The following PTPRD variants were observed in gnomAD, a reference collection of about 807,000 sequenced individuals.
PTPRD encodes protein tyrosine phosphatase receptor type D, also known as receptor-type tyrosine-protein phosphatase delta.
In PTPRD, 34 loss-of-function variants were observed where a neutral mutation model predicts 214.5. That is an observed-to-expected ratio of 0.16 (90% CI 0.12 to 0.21). The LOEUF is 0.21. PTPRD is among the 10% of genes least tolerant of loss of function. PTPRD has a pLI of 1.00. For missense variants in PTPRD, 2,545 were observed against 2,398.7 expected (o/e 1.06, Z -1.27); for synonymous variants, 1,128 against 845.7 (o/e 1.33, Z -5.79).
In PTPRD at chr9:8,329,768, C is replaced by T. The variant is rs1837866133; in HGVS notation, c.5534+1814G>A. Among the ~76,000 whole-genome samples, 8 of 152,200 alleles carry T rather than the reference C, an allele frequency of 5.3e-5. No homozygotes were observed. The South Asian group carries it at 1.7e-3, about 32-fold the overall frequency. On this transcript the variant is annotated intron_variant, in intron 44 of 45. Coordinates refer to ENST00000381196, the MANE Select transcript of PTPRD (RefSeq NM_002839.4). ...GTTGGCCTTGCTGAGCTGCAGTGGACTCAGCCCTGTTTGAACTTCCTGCTG... is the reference window on the plus strand; with the variant it reads ...GTTGGCCTTGCTGAGCTGCAGTGGATTCAGCCCTGTTTGAACTTCCTGCTG...
chr9:9,932,754 C>A (rs1295283223), intron 5 of PTPRD, among the ~76,000 whole-genome samples: 1 of 104,234 alleles, frequency 9.6e-6, no homozygotes, highest in African/African-American at 4.0e-5. Context: ...TCGAGAAGAG[C>A]AACTCCAAGA....
chr9:10,236,514 T>C (rs2099629393), intron 3 of PTPRD, among the ~76,000 whole-genome samples: 1 of 151,962 alleles, frequency 6.6e-6, no homozygotes. Context: ...GCAGTTTTCT[T>C]AATTGCATTT....
chr9:9,098,859 C>A (rs2099787376), intron 10 of PTPRD, among the ~76,000 whole-genome samples: 1 of 152,118 alleles, frequency 6.6e-6, no homozygotes, highest in African/African-American at 2.4e-5. Context: ...ATTACATGAA[C>A]ATATTCACAG....
At chr9:10,510,171 T>C (rs2047509402) in intron 2 of PTPRD, among the ~76,000 whole-genome samples, 1 of 152,080 alleles carries the variant, frequency 6.6e-6, no homozygotes, top group Non-Finnish European at 1.5e-5. Context: ...CAAATGTCAA[T>C]TTGCCAAAGT....
intron 14 of PTPRD, among the ~76,000 whole-genome samples, chr9:8,632,110 G>C (rs543625921): frequency 6.8e-6 from 1 of 147,448 alleles, no homozygotes; most frequent in Non-Finnish European, 1.5e-5. Flanking sequence ...TCAGCCTCTT[G>C]AATTGCTTCT....
At chr9:9,303,999 A>G (rs185485557) in intron 9 of PTPRD, among the ~76,000 whole-genome samples, 50 of 152,206 alleles carry the variant, frequency 3.3e-4, no homozygotes, top group African/African-American at 8.7e-4. Context: ...CTACTCTCCA[A>G]CTGGGCTCAA....
chr9:9,483,321 T>A (rs1011912864), intron 8 of PTPRD, among the ~76,000 whole-genome samples: 1 of 152,186 alleles, frequency 6.6e-6, no homozygotes, highest in African/African-American at 2.4e-5. Flanking sequence ...GTTGCCCTTA[T>A]GACATTACAG....
chr9:10,437,659 A>T (rs576456473), intron 2 of PTPRD, among the ~76,000 whole-genome samples: 2 of 151,858 alleles, frequency 1.3e-5, no homozygotes, highest in Admixed American at 1.3e-4. Context: ...GTTATTGAGC[A>T]AACCTACAGT....
intron 11 of PTPRD, among the ~76,000 whole-genome samples, chr9:8,883,465 T>G (rs2098462985): frequency 6.6e-6 from 1 of 152,194 alleles, no homozygotes; most frequent in Non-Finnish European, 1.5e-5. Flanking sequence ...GACCATAAAC[T>G]TGGGTAATTT....
chr9:10,182,019 G>A (rs2099295013), intron 3 of PTPRD, among the ~76,000 whole-genome samples: 1 of 148,262 alleles, frequency 6.7e-6, no homozygotes, highest in African/African-American at 2.5e-5. Context: ...ACTTTGTGAG[G>A]CCAAGGCAGG....
chr9:9,433,467 C>T (rs1186006309), intron 8 of PTPRD, among the ~76,000 whole-genome samples: 1 of 152,158 alleles, frequency 6.6e-6, no homozygotes, highest in Non-Finnish European at 1.5e-5. Context: ...ATGCAATCAA[C>T]AAGGATTCTT....
At chr9:9,019,380 G>C (rs1569430860) in intron 10 of PTPRD, among the ~76,000 whole-genome samples, 1 of 151,500 alleles carries the variant, frequency 6.6e-6, no homozygotes, top group Non-Finnish European at 1.5e-5. Context: ...TTTAAAATTA[G>C]GCTGAGGGCT....
chr9:9,918,060 C>T (rs999151108), intron 5 of PTPRD, among the ~76,000 whole-genome samples: 1 of 151,758 alleles, frequency 6.6e-6, no homozygotes, highest in African/African-American at 2.4e-5. Context: ...CTACCCAGAA[C>T]AATTAGGCAA....
chr9:9,069,708 G>C (rs1465137385), intron 10 of PTPRD, among the ~76,000 whole-genome samples: 1 of 152,182 alleles, frequency 6.6e-6, no homozygotes, highest in East Asian at 1.9e-4. Flanking sequence ...TGTGAATTGA[G>C]TTTATGAAGG....
intron 12 of PTPRD, among the ~76,000 whole-genome samples, chr9:8,644,874 C>T (rs1034815717): frequency 1.3e-5 from 2 of 152,158 alleles, no homozygotes; most frequent in African/African-American, 4.8e-5. Context: ...GTAGTGTGAG[C>T]TGAGTGCAGC....
intron 11 of PTPRD, among the ~76,000 whole-genome samples, chr9:8,987,067 G>A (rs2099348333): frequency 6.6e-6 from 1 of 152,060 alleles, no homozygotes; most frequent in Non-Finnish European, 1.5e-5. Flanking sequence ...TCTCTTAGAA[G>A]GTTAAGACAT....
At chr9:10,340,264 C>T (rs1381204756) in intron 3 of PTPRD, among the ~76,000 whole-genome samples, 1 of 151,838 alleles carries the variant, frequency 6.6e-6, no homozygotes, top group African/African-American at 2.4e-5. Context: ...GTAATGTTCT[C>T]ATAGCGACCA....
At chr9:9,559,613 A>G (rs1363207968) in intron 8 of PTPRD, among the ~76,000 whole-genome samples, 1 of 152,236 alleles carries the variant, frequency 6.6e-6, no homozygotes, top group Non-Finnish European at 1.5e-5. Flanking sequence ...AGAGGTTAGC[A>G]TAACATCATC....
chr9:9,133,695 G>A (rs1014892083), intron 10 of PTPRD, among the ~76,000 whole-genome samples: 2 of 152,122 alleles, frequency 1.3e-5, no homozygotes, highest in African/African-American at 4.8e-5. Context: ...CTGAACAATC[G>A]CAGTCATGTA....
Sources: gnomAD v4.1 joint callset for allele counts (sites outside exome capture counted in the v4.1 genomes callset) on GRCh38, gnomAD v4.1.1 for gene constraint, MANE v1.5 for transcripts, NCBI Gene and HGNC (gene_info 2026-07-23, HGNC 2026-07-21) for gene names.